The following AFF1 variants were observed in gnomAD, a reference collection of about 807,000 sequenced individuals.
AFF1 encodes ALF transcription elongation factor 1.
In AFF1, 48 loss-of-function variants were observed where a neutral mutation model predicts 121.7. That is an observed-to-expected ratio of 0.39 (90% CI 0.31 to 0.50). The LOEUF (loss-of-function observed/expected upper bound fraction) is 0.50. Ranked by LOEUF, AFF1 falls within the 20% of genes least tolerant of loss-of-function variation. The pLI, the probability that AFF1 is intolerant of heterozygous loss-of-function variation, is 0.76. For synonymous variants in AFF1, 613 were observed against 563.0 expected, an observed-to-expected ratio of 1.09 and a Z score of -1.26; for missense variants, 1,523 against 1,511.7, an observed-to-expected ratio of 1.01 and a Z score of -0.12.
rs75943936 is a variant in AFF1, at chr4:87,027,065, C to T, written c.39-19101C>T. Among the ~76,000 whole-genome samples, 628 of 152,254 alleles carry T rather than the reference C, an allele frequency of 4.1e-3. 3 individuals are homozygous for T. Among genetic ancestry groups the T allele is most frequent in the African/African-American group, 0.014 (591 of 41,530 alleles). On this transcript the variant is annotated intron_variant, in intron 2 of 20. Coordinates refer to ENST00000395146, the MANE Select transcript of AFF1 (RefSeq NM_001166693.3). ...TAACTTTCTGAAACTTTACAAACAG[C>T]CTAATTCCCAAGTAGAGAAAAGTAT...
chr4:86,975,349 C>G (rs989902284), intron 2 of AFF1, among the ~76,000 whole-genome samples: 2 of 152,162 alleles, frequency 1.3e-5, no homozygotes, highest in Non-Finnish European at 2.9e-5. Flanking sequence ...CTCCTGGGCT[C>G]AAGCCATACT....
In AFF1 at chr4:86,949,904, T is replaced by C. The variant is rs1225436060; in HGVS notation, c.38+1333T>C. 1.1e-5 allele frequency: 18 copies of C among 1,613,574 alleles called. No homozygotes were observed. In the Admixed American group the frequency reaches 1.7e-4, roughly 15 times the overall value. ...CCACGTGAAGGGGTTCTTGGTGGGG[T>C]ATGGGATCTTCCGCGTCTTGGACCC... On this transcript the variant is annotated intron_variant, in intron 2 of 20. Coordinates refer to ENST00000395146, the MANE Select transcript of AFF1 (RefSeq NM_001166693.3).
chr4:86,984,868 G>C (rs1578898113), intron 2 of AFF1, among the ~76,000 whole-genome samples: 1 of 152,018 alleles, frequency 6.6e-6, no homozygotes, highest in South Asian at 2.1e-4. Flanking sequence ...GCTGCAGTGA[G>C]CTGTGATGAT....
rs769681125 is a variant in AFF1 at position 87,114,947 on chromosome 4, C to A, written c.2114C>A (p.Pro705His). 6.2e-7 allele frequency: 1 copy of A among 1,613,100 alleles called. No individual in the cohort carries two copies. Among genetic ancestry groups the A allele is most frequent in the Non-Finnish European group, 8.5e-7 (1 of 1,179,480 alleles). The part of the protein sequence containing the change: ...PAKDNVEDRT[P>H]EHFALVPLTE... ...AAGGACAATGTGGAGGACAGGACCC[C>A]TGAGCACTTTGCTCTTGTTCCCCTG... Residue 705 changes from proline (P) to histidine (H), a missense_variant, in exon 12 of 21, where the codon CCT becomes CAT. This residue lies in a region of AFF1 where 905 missense variants were observed against 842.5 expected (regional missense o/e 1.07). Coordinates refer to ENST00000395146, the MANE Select transcript of AFF1 (RefSeq NM_001166693.3).
At chr4:86,939,588 G>A (rs1374937) in intron 1 of AFF1, among the ~76,000 whole-genome samples, 141,455 of 152,282 alleles carry the variant, frequency 0.93, 66,376 homozygotes, top group Non-Finnish European at 1. Flanking sequence ...AGGGCCTTAC[G>A]GACTAGCTGC....
intron 2 of AFF1, among the ~76,000 whole-genome samples, chr4:86,969,504 T>G (rs1222257727): frequency 6.7e-6 from 1 of 149,930 alleles, no homozygotes; most frequent in African/African-American, 2.5e-5. Flanking sequence ...CAAAAAACAG[T>G]TGAATCGGTT....
chr4:87,076,977 T>C (rs1262191803), intron 4 of AFF1, among the ~76,000 whole-genome samples: 1 of 152,220 alleles, frequency 6.6e-6, no homozygotes, highest in Non-Finnish European at 1.5e-5. Flanking sequence ...CTAATCTGTC[T>C]CTTAGAAATG....
chr4:87,069,874 A>G (rs1721834497), intron 4 of AFF1, among the ~76,000 whole-genome samples: 1 of 137,918 alleles, frequency 7.3e-6, no homozygotes, highest in South Asian at 2.2e-4. Context: ...GCTGGAGTAT[A>G]GTGTGGGATC....
chr4:87,112,141 CT>C (rs1726601779), intron 11 of AFF1, among the ~76,000 whole-genome samples: 1 of 152,192 alleles, frequency 6.6e-6, no homozygotes, highest in Non-Finnish European at 1.5e-5. Context: ...ATCTCACTAC[CT>C]TGTCCCATCA....
chr4:86,981,404 G>A (rs113967608), intron 2 of AFF1, among the ~76,000 whole-genome samples: 5 of 152,158 alleles, frequency 3.3e-5, no homozygotes, highest in African/African-American at 1.2e-4. Flanking sequence ...GTCTCACTCT[G>A]TTGCTCAGGC....
At chr4:86,983,904 G>C (rs1723992417) in intron 2 of AFF1, among the ~76,000 whole-genome samples, 1 of 151,542 alleles carries the variant, frequency 6.6e-6, no homozygotes, top group South Asian at 2.1e-4. Flanking sequence ...AGGCGTGATG[G>C]TGGGTGCCTA....
At chr4:87,122,489 G>C (rs1248727007) in intron 12 of AFF1, among the ~76,000 whole-genome samples, 1 of 152,146 alleles carries the variant, frequency 6.6e-6, no homozygotes, top group East Asian at 1.9e-4. Flanking sequence ...ACTCTAAATT[G>C]TGCTCCAGGA....
chr4:87,063,776 A>G (rs1181910169), intron 4 of AFF1, among the ~76,000 whole-genome samples: 1 of 152,180 alleles, frequency 6.6e-6, no homozygotes, highest in African/African-American at 2.4e-5. Flanking sequence ...ATATTGTGAG[A>G]TATACCACCT....
intron 16 of AFF1, 144 bp downstream of exon 16, chr4:87,127,847 T>C (rs1728447957): frequency 1.3e-6 from 1 of 766,004 alleles, no homozygotes; most frequent in Admixed American, 2.6e-5. Context: ...GAGAAAGGAG[T>C]GTATGGGCCC....
intron 11 of AFF1, among the ~76,000 whole-genome samples, chr4:87,113,531 A>G (rs867285243): frequency 2.6e-5 from 4 of 152,186 alleles, no homozygotes; most frequent in Non-Finnish European, 5.9e-5. Flanking sequence ...TTGGCCTCCC[A>G]AAGCTGGGAT....
chr4:86,996,823 C>T (rs546782172), intron 2 of AFF1, among the ~76,000 whole-genome samples: 2 of 152,306 alleles, frequency 1.3e-5, no homozygotes, highest in Non-Finnish European at 2.9e-5. Flanking sequence ...GTGATTGGAT[C>T]GTGAAGGATC....
At chr4:86,974,554 A>G (rs962468795) in intron 2 of AFF1, among the ~76,000 whole-genome samples, 4 of 152,182 alleles carry the variant, frequency 2.6e-5, no homozygotes, top group African/African-American at 9.7e-5. Context: ...TGCCATTGTA[A>G]CTGGTTGCTA....
Position 87,046,207 on chromosome 4 carries a change from A to G in AFF1, c.80A>G (p.Lys27Arg), listed in dbSNP as rs745920065. Residue 27 changes from lysine (K) to arginine (R), a missense_variant, in exon 3 of 21, where the codon AAG becomes AGG. This residue lies in a region of AFF1 where 369 missense variants were observed against 367.2 expected (regional missense o/e 1.00). Transcript: ENST00000395146. Reference sequence around the variant, plus strand: ...AGAAACCTGCTTCGAATTAGAGAGAAGGAAAGACGCAACCAGGAAGCCCAC... The same window carrying G: ...AGAAACCTGCTTCGAATTAGAGAGAGGGAAAGACGCAACCAGGAAGCCCAC... Reference protein sequence around the residue: ...DDRNLLRIREKERRNQEAHQE... With the variant: ...DDRNLLRIRERERRNQEAHQE... 5.0e-6 allele frequency: 8 copies of G among 1,613,912 alleles called. No individual in the cohort carries two copies. Among genetic ancestry groups the G allele is most frequent in the Admixed American group, 1.7e-5 (1 of 59,962 alleles).
At position 87,047,955 on chromosome 4, in the gene AFF1, C is replaced by G. The variant is rs1730890154; in HGVS notation, c.1059+361C>G. 1.4e-5 allele frequency: 4 copies of G among 278,108 alleles called. No individual in the cohort carries two copies. In the South Asian group the frequency reaches 1.6e-4, roughly 11 times the overall value. 17.2% of individuals were successfully genotyped at this position (278,108 alleles called of 1,614,324 possible). A position where few individuals can be genotyped will look rare whatever the true frequency, so the allele number is the denominator to read the frequency against. ...GAAGATTTCGGTTACCAGAAAGTTT[C>G]AGGAAGGTTTTCAGGTGTCTTATTT... is the stretch of plus-strand genomic sequence containing the variant. On this transcript the variant is annotated intron_variant, in intron 4 of 20. Transcript: ENST00000395146.
Sources: allele counts gnomAD v4.1 joint callset (sites outside exome capture counted in the v4.1 genomes callset), GRCh38; gene constraint gnomAD v4.1.1; regional missense constraint gnomAD v4.1.1; transcripts MANE v1.5; gene names NCBI Gene and HGNC (gene_info 2026-07-23, HGNC 2026-07-21).